Variants in SLC6A12 observed in about 807,000 individuals in gnomAD.
SLC6A12 encodes sodium- and chloride-dependent betaine transporter.
SLC6A12 carries 50 observed loss-of-function variants against 73.3 expected under a neutral mutation model. The ratio of observed to expected loss-of-function variants is 0.68; its 90% CI spans 0.54 to 0.86. The LOEUF (loss-of-function observed/expected upper bound fraction) is 0.86. SLC6A12 is among the 40% of genes least tolerant of loss of function. The probability of loss-of-function intolerance (pLI) is 0.00; values close to 1 mark genes in which losing one functional copy is unlikely to be tolerated. For missense variants in SLC6A12, 648 were observed against 772.8 expected (o/e 0.84, Z 1.92); for synonymous variants, 304 against 309.2 (o/e 0.98, Z 0.18).
chr12:212,780 G>T (rs1940955298), intron 1 of SLC6A12, among the ~76,000 whole-genome samples: 2 of 152,104 alleles, frequency 1.3e-5, no homozygotes, highest in African/African-American at 4.8e-5. Context: ...AAAGGCAAAG[G>T]ACTACACACC....
intron 5 of SLC6A12, 47 bp downstream of exon 5, chr12:202,693 G>T: frequency 6.3e-7 from 1 of 1,589,756 alleles, no homozygotes; most frequent in Non-Finnish European, 8.6e-7. Flanking sequence ...AGCCACCGCA[G>T]CCCAGCCCCT....
chr12:183,995 G>A, the SLC6A12 span, among the ~76,000 whole-genome samples: 3 of 151,942 alleles, frequency 2.0e-5, no homozygotes, highest in Non-Finnish European at 4.4e-5. Context: ...AGACAAGCAC[G>A]GTATGAGAAA....
chr12:196,561 G>A (rs765363615), intron 11 of SLC6A12, among the ~76,000 whole-genome samples: 4 of 152,184 alleles, frequency 2.6e-5, no homozygotes, highest in Non-Finnish European at 4.4e-5. Flanking sequence ...GCATGCAGAG[G>A]CTCAAGGCTG....
downstream of SLC6A12, among the ~76,000 whole-genome samples, chr12:187,565 G>C (rs893602652): frequency 4.1e-4 from 49 of 119,704 alleles, no homozygotes; most frequent in African/African-American, 1.3e-3. Flanking sequence ...ACAGTGAGCA[G>C]CAGCAAGATT....
chr12:212,653 G>A (rs1183366306), intron 1 of SLC6A12, among the ~76,000 whole-genome samples: 1 of 152,150 alleles, frequency 6.6e-6, no homozygotes, highest in African/African-American at 2.4e-5. Context: ...AACTCAAGAG[G>A]GAACACGCTT....
chr12:202,128 C>T (rs1940302682), intron 5 of SLC6A12, among the ~76,000 whole-genome samples: 2 of 152,140 alleles, frequency 1.3e-5, no homozygotes, highest in East Asian at 1.9e-4. Flanking sequence ...GCGGCTGGTA[C>T]GGAATGCACT....
Position 213,107 on chromosome 12 carries a change from A to G in SLC6A12, c.-143+815T>C, listed in dbSNP as rs920239481. Among the ~76,000 whole-genome samples, 4 of 152,136 alleles carry G rather than the reference A, an allele frequency of 2.6e-5. No homozygotes were observed. Among genetic ancestry groups the G allele is most frequent in the Non-Finnish European group, 5.9e-5 (4 of 68,016 alleles). ...GACGAGACCAGAAATGCTGCTGCCCATGTGCTGCTGGGATCCCAGCTCTGT... is the reference window on the plus strand; with the variant it reads ...GACGAGACCAGAAATGCTGCTGCCCGTGTGCTGCTGGGATCCCAGCTCTGT... On this transcript the variant is annotated intron_variant, in intron 1 of 15. Transcript: ENST00000684302. This position sits in a 1 kb window ranked among gnomAD's most constrained non-coding sequence, Gnocchi z 5.3.
intron 4 of SLC6A12, chr12:203,625 C>G (rs1591797849): frequency 6.6e-6 from 1 of 152,172 alleles, no homozygotes. Flanking sequence ...ACAAGCGGCC[C>G]CTGTGCCGCG....
rs536154564 is a variant in SLC6A12, at chr12:190,784, C to T, written c.*284G>A. The T allele has an allele frequency of 3.1e-5, 8 of 258,526 alleles. No individual in the cohort carries two copies. The South Asian group carries it at 7.0e-4, about 23-fold the overall frequency. 16.0% of individuals were successfully genotyped at this position (258,526 alleles called of 1,614,324 possible). A position where few individuals can be genotyped will look rare whatever the true frequency, so the allele number is the denominator to read the frequency against. ...AACTCGAGGTGTTGCAATCAGATGGCGGCCTCCAAAAAGACCCCCCTTTAT... is the reference window on the plus strand; with the variant it reads ...AACTCGAGGTGTTGCAATCAGATGGTGGCCTCCAAAAAGACCCCCCTTTAT... On this transcript the variant is annotated 3_prime_UTR_variant, in exon 16 of 16. Transcript: ENST00000684302.
chr12:201,357 G>A (rs895197112), intron 6 of SLC6A12: 2 of 226,056 alleles, frequency 8.8e-6, no homozygotes, highest in African/African-American at 2.3e-5. Flanking sequence ...TGGAGGGTGT[G>A]CCCATGTCTT....
chr12:200,781 C>G lies in SLC6A12; in HGVS notation c.581G>C (p.Arg194Thr). ...GCCCGAGGTGATGCCCAGAACTCGT[C>G]TCCTGGAGGATTGGGAAAAATAAGT... ...FTSPVMEFWE[R>T]RVLGITSGIH... The change falls in exon 7 of 16, where the codon AGA (arginine) becomes ACA (threonine). Residue 194 changes from arginine (R) to threonine (T), a missense_variant and splice_region_variant. Transcript: ENST00000684302. 6.2e-7 allele frequency: 1 copy of G among 1,613,338 alleles called. No individual in the cohort carries two copies. The highest frequency in any genetic ancestry group is 1.1e-5 in the South Asian group (1 of 91,000).
chr12:205,845 C>G (rs530767558), intron 3 of SLC6A12, among the ~76,000 whole-genome samples: 1 of 152,142 alleles, frequency 6.6e-6, no homozygotes, highest in East Asian at 1.9e-4. Flanking sequence ...ACATATCTAC[C>G]TCATCATTTT....
intron 3 of SLC6A12, among the ~76,000 whole-genome samples, chr12:205,736 T>C (rs1310070557): frequency 6.6e-6 from 1 of 152,248 alleles, no homozygotes; most frequent in Non-Finnish European, 1.5e-5. Flanking sequence ...CACACATGTA[T>C]TTCTTTTTTT....
chr12:200,998 T>A (rs1591793269), intron 6 of SLC6A12, among the ~76,000 whole-genome samples: 1 of 152,244 alleles, frequency 6.6e-6, no homozygotes, highest in East Asian at 1.9e-4. Flanking sequence ...CTCATCCAGA[T>A]TTTTTTTCTC....
At position 204,557 on chromosome 12, in the gene SLC6A12, T is replaced by C; in HGVS notation, c.349+7A>G. ...CCATGAAGGGGAAGGTGGGGGAGGATACATACCCTGGAAGAGGGGGCAGAT... is the reference window on the plus strand; with the variant it reads ...CCATGAAGGGGAAGGTGGGGGAGGACACATACCCTGGAAGAGGGGGCAGAT... On this transcript the variant is annotated splice_region_variant and intron_variant, in intron 4 of 15. Transcript: ENST00000684302. 6.2e-7 allele frequency: 1 copy of C among 1,613,898 alleles called. No individual in the cohort carries two copies. Among genetic ancestry groups the C allele is most frequent in the Non-Finnish European group, 8.5e-7 (1 of 1,179,902 alleles).
chr12:209,082 C>CCA (rs2137207058), intron 3 of SLC6A12, among the ~76,000 whole-genome samples: 1 of 152,290 alleles, frequency 6.6e-6, no homozygotes, highest in East Asian at 1.9e-4. Flanking sequence ...TCCATCCCAG[C>CCA]CACACCTGCC....
chr12:191,694 C>T (rs1339548667), intron 15 of SLC6A12, among the ~76,000 whole-genome samples: 1 of 152,052 alleles, frequency 6.6e-6, no homozygotes, highest in African/African-American at 2.4e-5. Context: ...CCATCTGCTC[C>T]CTCCTTCTTG....
At chr12:192,392 C>T in intron 15 of SLC6A12, 86 bp downstream of exon 15, 1 of 1,219,528 alleles carries the variant, frequency 8.2e-7, no homozygotes, top group South Asian at 1.3e-5. Flanking sequence ...TGTGTCTGCT[C>T]CCTGGCCCCA....
downstream of SLC6A12, among the ~76,000 whole-genome samples, chr12:185,103 G>A (rs990099863): frequency 6.6e-6 from 1 of 152,232 alleles, no homozygotes. Context: ...TTTCCAGACA[G>A]TCTGAGTGTC....
Sources: gnomAD v4.1 joint callset for allele counts (sites outside exome capture counted in the v4.1 genomes callset) on GRCh38, gnomAD v4.1.1 for gene constraint, Gnocchi (gnomAD v3.1) non-coding constraint, MANE v1.5 for transcripts, NCBI Gene and HGNC (gene_info 2026-07-23, HGNC 2026-07-21) for gene names.